ANO6: variants seen among roughly 807,000 people sequenced by gnomAD.
The protein encoded by ANO6 is anoctamin 6, also known as anoctamin-6.
ANO6 carries 106 observed loss-of-function variants against 117.5 expected under a neutral mutation model. The observed-to-expected ratio is 0.90, with a 90% confidence interval of 0.77 to 1.06. The LOEUF (loss-of-function observed/expected upper bound fraction) is 1.06, where lower values mean the gene tolerates loss of function less well. Ranked by LOEUF, ANO6 falls within the 50% of genes least tolerant of loss-of-function variation. The probability of loss-of-function intolerance (pLI) is 0.00; values close to 1 mark genes in which losing one functional copy is unlikely to be tolerated. For synonymous variants in ANO6, 367 were observed against 385.1 expected, an observed-to-expected ratio of 0.95 and a Z score of 0.55; for missense variants, 955 against 1,121.1, an observed-to-expected ratio of 0.85 and a Z score of 2.12.
intron 11 of ANO6, among the ~76,000 whole-genome samples, chr12:45,390,095 C>T (rs983255320): frequency 6.6e-6 from 1 of 152,170 alleles, no homozygotes; most frequent in Non-Finnish European, 1.5e-5. Context: ...ATCATCACAG[C>T]GATTTCTAAA....
intron 15 of ANO6, among the ~76,000 whole-genome samples, chr12:45,405,893 G>T (rs933786110): frequency 1.3e-5 from 2 of 151,958 alleles, no homozygotes; most frequent in Non-Finnish European, 2.9e-5. Flanking sequence ...GGCAACAAGA[G>T]CGAAACTCCA....
chr12:45,383,631 A>C (rs1433197728), intron 10 of ANO6, among the ~76,000 whole-genome samples: 3 of 152,242 alleles, frequency 2.0e-5, no homozygotes, highest in African/African-American at 7.2e-5. Flanking sequence ...ATCTCTGTAC[A>C]TCTCCATCAG....
intron 1 of ANO6, among the ~76,000 whole-genome samples, chr12:45,222,564 T>A (rs1270238945): frequency 6.6e-6 from 1 of 152,202 alleles, no homozygotes; most frequent in East Asian, 1.9e-4. Context: ...GGCTTATAAC[T>A]ACCATAACTC....
At chr12:45,218,501 CCT>C (rs1947350635) in intron 1 of ANO6, among the ~76,000 whole-genome samples, 1 of 148,984 alleles carries the variant, frequency 6.7e-6, no homozygotes. Context: ...CTCAAGCGAT[CCT>C]CCCACTTAAG....
intron 3 of ANO6, among the ~76,000 whole-genome samples, chr12:45,337,723 A>G (rs945930623): frequency 2.1e-4 from 32 of 152,176 alleles, no homozygotes; most frequent in African/African-American, 7.0e-4. Flanking sequence ...TAGGAGAACT[A>G]TTGTACAGCT....
rs566755598 is a variant in ANO6 at position 45,439,999 on chromosome 12, C to A, written c.*61C>A. 1.8e-5 allele frequency: 26 copies of A among 1,420,518 alleles called. No individual in the cohort carries two copies. The African/African-American group carries it at 3.3e-4, about 18-fold the overall frequency. The allele number at this position is 1,420,518 out of a possible 1,614,324, so 88.0% of individuals were successfully genotyped here. ...GTCTATTATGTGGCCAGCATTGTTT[C>A]ATGTGCTCAAGATAGAGTAGCATTG... is the stretch of plus-strand genomic sequence containing the variant. On this transcript the variant is annotated 3_prime_UTR_variant, in exon 20 of 20. Coordinates refer to the ANO6 transcript ENST00000425752.
At chr12:45,265,773 C>A (rs954856340) in intron 1 of ANO6, among the ~76,000 whole-genome samples, 9 of 152,128 alleles carry the variant, frequency 5.9e-5, no homozygotes, top group African/African-American at 1.9e-4. Flanking sequence ...CCTCAGTGTA[C>A]CTGCAGGTTG....
intron 1 of ANO6, among the ~76,000 whole-genome samples, chr12:45,290,523 T>C (rs61923855): frequency 2.0e-5 from 3 of 152,224 alleles, no homozygotes; most frequent in Non-Finnish European, 4.4e-5. Context: ...CAGGATAATG[T>C]TGAACTGAGA....
Position 45,339,210 on chromosome 12 carries a change from A to G in ANO6, c.279+7787A>G, listed in dbSNP as rs565417989. ...AAATAGGATTTACTAAACTTGTCCT[A>G]TGAGAAGTCACCTGGGTTGCTTGTT... On this transcript the variant is annotated intron_variant, in intron 3 of 19. Coordinates refer to ENST00000320560, the MANE Select transcript of ANO6 (RefSeq NM_001025356.3). 4.6e-4 allele frequency among the ~76,000 whole-genome samples: 70 copies of G among 152,248 alleles called. 1 individual carries two copies. Among genetic ancestry groups the G allele is most frequent in the African/African-American group, 1.5e-3 (64 of 41,560 alleles).
intron 1 of ANO6, among the ~76,000 whole-genome samples, chr12:45,270,811 G>T (rs1211857227): frequency 1.3e-5 from 2 of 152,074 alleles, no homozygotes; most frequent in African/African-American, 4.8e-5. Context: ...GAGTGCAGTG[G>T]TGCAATCTCA....
chr12:45,357,985 A>G lies in ANO6; in HGVS notation c.998+561A>G, dbSNP rs1027027256. Among the ~76,000 whole-genome samples the G allele has an allele frequency of 5.9e-5, 9 of 152,226 alleles. No homozygotes were observed. The South Asian group carries it at 1.0e-3, about 18-fold the overall frequency. Reference sequence around the variant, plus strand: ...TAGTTTGTACTGAGGTTGAAATTCAAACACCAGCTGCACTCTCTAAAGGGA... The same window carrying G: ...TAGTTTGTACTGAGGTTGAAATTCAGACACCAGCTGCACTCTCTAAAGGGA... On this transcript the variant is annotated intron_variant, in intron 8 of 19. Transcript: ENST00000320560.
intron 8 of ANO6, among the ~76,000 whole-genome samples, chr12:45,366,415 A>G (rs1941687672): frequency 1.3e-5 from 2 of 152,058 alleles, no homozygotes; most frequent in Admixed American, 6.6e-5. Context: ...ATTGATGTAT[A>G]TAGAATATGA....
At chr12:45,415,652 G>C (rs1406353103) in intron 16 of ANO6, among the ~76,000 whole-genome samples, 3 of 152,216 alleles carry the variant, frequency 2.0e-5, no homozygotes, top group Non-Finnish European at 4.4e-5. Context: ...GAGTGTTCCT[G>C]CCTGGCCTGT....
At chr12:45,292,017 C>T (rs931173503) in intron 1 of ANO6, among the ~76,000 whole-genome samples, 5 of 152,250 alleles carry the variant, frequency 3.3e-5, no homozygotes, top group African/African-American at 7.2e-5. Context: ...TAACAGTGCT[C>T]GTTGCAGCAT....
intron 4 of ANO6, 100 bp from the exon 5 acceptor site, chr12:45,347,928 T>C (rs1417977037): frequency 8.5e-7 from 1 of 1,173,180 alleles, no homozygotes; most frequent in Non-Finnish European, 1.2e-6. Context: ...GTCTCTGTAT[T>C]GTTTTTTTAA....
In ANO6 at chr12:45,431,104, C is replaced by G; in HGVS notation, c.*1793C>G. 1.0e-6 allele frequency: 1 copy of G among 985,412 alleles called. No homozygotes were observed. The highest frequency in any genetic ancestry group is 1.2e-6 in the Non-Finnish European group (1 of 829,946). 61.0% of individuals were successfully genotyped at this position (985,412 alleles called of 1,614,324 possible). ...AGTATTGTAGGCTTTTGAATTGTCC[C>G]AGTGGATCCGGGACCCCATTTCACT... On this transcript the variant is annotated 3_prime_UTR_variant, in exon 20 of 20. Coordinates refer to ENST00000320560, the MANE Select transcript of ANO6 (RefSeq NM_001025356.3).
chr12:45,255,826 T>TTTTTTTTG (rs1937802428), intron 1 of ANO6, among the ~76,000 whole-genome samples: 1 of 145,820 alleles, frequency 6.9e-6, no homozygotes, highest in African/African-American at 2.6e-5. Context: ...GTGTTTTTTT[T>TTTTTTTTG]TTTTTTTTTT....
At chr12:45,266,871 T>C (rs1056714524) in intron 1 of ANO6, among the ~76,000 whole-genome samples, 4 of 151,396 alleles carry the variant, frequency 2.6e-5, no homozygotes, top group East Asian at 2.0e-4. Flanking sequence ...CTTTGAGTTA[T>C]GGGGTTTGTT....
chr12:45,403,572 C>G (rs1294698925), intron 15 of ANO6, 36 bp downstream of exon 15: 1 of 1,549,384 alleles, frequency 6.5e-7, no homozygotes, highest in Non-Finnish European at 8.9e-7. Flanking sequence ...GGTAAAAGGA[C>G]AAGGGATAGA....
Sources: gnomAD v4.1 joint callset for allele counts (sites outside exome capture counted in the v4.1 genomes callset) on GRCh38, gnomAD v4.1.1 for gene constraint, MANE v1.5 for transcripts, NCBI Gene and HGNC (gene_info 2026-07-23, HGNC 2026-07-21) for gene names.